Variants in MECOM observed in about 807,000 individuals in gnomAD.
MECOM encodes histone-lysine N-methyltransferase MECOM.
Under a neutral mutation model 116.3 loss-of-function variants are expected in MECOM, and 13 were observed. The ratio of observed to expected loss-of-function variants is 0.11; its 90% CI spans 0.07 to 0.18. MECOM has a LOEUF of 0.18. Ranked by LOEUF, MECOM falls within the 10% of genes least tolerant of loss-of-function variation. The pLI, the probability that MECOM is intolerant of heterozygous loss-of-function variation, is 1.00. For missense variants in MECOM, 1,299 were observed against 1,509.0 expected, an observed-to-expected ratio of 0.86 and a Z score of 2.31; for synonymous variants, 528 against 535.2, an observed-to-expected ratio of 0.99 and a Z score of 0.19.
chr3:169,482,718 A>C (rs1751512862), intron 1 of MECOM, among the ~76,000 whole-genome samples: 1 of 152,172 alleles, frequency 6.6e-6, no homozygotes, highest in Non-Finnish European at 1.5e-5. Context: ...AAAAACCATC[A>C]GCTGGACTGA....
intron 10 of MECOM, among the ~76,000 whole-genome samples, chr3:169,106,538 C>T (rs1725503392): frequency 6.6e-6 from 1 of 152,038 alleles, no homozygotes; most frequent in Non-Finnish European, 1.5e-5. Context: ...ATGTAAATCA[C>T]ATCTCTGAAA....
chr3:169,449,525 A>ATAGCTG (rs1210190917), intron 1 of MECOM, among the ~76,000 whole-genome samples: 1 of 152,194 alleles, frequency 6.6e-6, no homozygotes, highest in Non-Finnish European at 1.5e-5. Context: ...CATTATAGCT[A>ATAGCTG]TAATTTATGA....
rs780858473 is a variant in MECOM, at chr3:169,115,910, C to G, written c.1962G>C (p.Val654=). Residue 654 remains valine, a synonymous_variant, in exon 8 of 17, where the codon GTG becomes GTC. Transcript: ENST00000651503. ...FSPSLEEQTA[V]SGAVNDSIKA... ...TTATAGAATCATTCACAGCTCCTGA[C>G]ACCGCAGTCTGCTCCTCTAAAGATG... 1 of 1,614,108 alleles carries G rather than the reference C, an allele frequency of 6.2e-7. No individual in the cohort carries two copies. Among genetic ancestry groups the G allele is most frequent in the Non-Finnish European group, 8.5e-7 (1 of 1,180,042 alleles).
At chr3:169,263,161 C>T (rs1217207979) in intron 2 of MECOM, among the ~76,000 whole-genome samples, 5 of 123,198 alleles carry the variant, frequency 4.1e-5, no homozygotes, top group Non-Finnish European at 6.5e-5. Flanking sequence ...CAGAGTCTCG[C>T]TCTGTCACCC....
intron 2 of MECOM, among the ~76,000 whole-genome samples, chr3:169,202,336 C>A (rs534248770): frequency 1.1e-3 from 165 of 152,104 alleles, no homozygotes; most frequent in Admixed American, 2.1e-3. Context: ...TATAACTATG[C>A]CAAGTAATTG....
intron 2 of MECOM, among the ~76,000 whole-genome samples, chr3:169,203,831 A>C: frequency 6.6e-6 from 1 of 152,182 alleles, no homozygotes; most frequent in East Asian, 1.9e-4. Context: ...GAAAGACTGA[A>C]ATGAATACAT....
intron 1 of MECOM, among the ~76,000 whole-genome samples, chr3:169,484,351 TA>T (rs1220906630): frequency 4.6e-5 from 7 of 151,924 alleles, no homozygotes; most frequent in African/African-American, 9.7e-5. Context: ...TTGAGAGACA[TA>T]AAAAATATGG....
intron 1 of MECOM, among the ~76,000 whole-genome samples, chr3:169,425,670 G>A (rs1049901619): frequency 1.3e-5 from 2 of 152,116 alleles, no homozygotes; most frequent in African/African-American, 2.4e-5. Context: ...GTAAGCGATA[G>A]AGCATATTTA....
At chr3:169,220,004 T>G (rs918123192) in intron 2 of MECOM, among the ~76,000 whole-genome samples, 25 of 150,064 alleles carry the variant, frequency 1.7e-4, no homozygotes, top group African/African-American at 6.1e-4. Flanking sequence ...TAAATATAAG[T>G]AAATAAATAT....
chr3:169,341,838 G>A (rs898741978), intron 2 of MECOM, among the ~76,000 whole-genome samples: 1 of 151,586 alleles, frequency 6.6e-6, no homozygotes, highest in Non-Finnish European at 1.5e-5. Context: ...TAAAATAAAA[G>A]AGTGTAATTG....
At chr3:169,237,221 C>T (rs773482770) in intron 2 of MECOM, among the ~76,000 whole-genome samples, 5 of 152,090 alleles carry the variant, frequency 3.3e-5, no homozygotes, top group Non-Finnish European at 2.9e-5. Flanking sequence ...TCAGCATTAG[C>T]TTCTATGAAA....
At chr3:169,302,268 A>T (rs1326679160) in intron 2 of MECOM, among the ~76,000 whole-genome samples, 1 of 152,234 alleles carries the variant, frequency 6.6e-6, no homozygotes, top group Admixed American at 6.5e-5. Flanking sequence ...GAAGAGAATC[A>T]GTGATTCAAG....
intron 1 of MECOM, among the ~76,000 whole-genome samples, chr3:169,650,445 A>T (rs1774746796): frequency 1.3e-5 from 2 of 152,172 alleles, no homozygotes; most frequent in South Asian, 4.1e-4. Context: ...CTGACAACTT[A>T]CTTATCCTTA....
intron 1 of MECOM, among the ~76,000 whole-genome samples, chr3:169,472,213 A>T (rs957571504): frequency 6.6e-6 from 1 of 151,854 alleles, no homozygotes; most frequent in Non-Finnish European, 1.5e-5. Flanking sequence ...ATTAAAAAAA[A>T]ATTAAAGTTT....
intron 2 of MECOM, among the ~76,000 whole-genome samples, chr3:169,274,153 C>T (rs534242724): frequency 1.3e-5 from 2 of 152,156 alleles, no homozygotes; most frequent in Admixed American, 6.5e-5. Context: ...CTCAGGTGAT[C>T]TGCCCTCCTC....
intron 1 of MECOM, among the ~76,000 whole-genome samples, chr3:169,544,673 T>C (rs376737712): frequency 1.3e-5 from 2 of 152,190 alleles, no homozygotes; most frequent in Non-Finnish European, 2.9e-5. Context: ...ATATACACCA[T>C]GGAATACTAT....
At chr3:169,275,967 G>A (rs143030620) in intron 2 of MECOM, among the ~76,000 whole-genome samples, 9 of 152,176 alleles carry the variant, frequency 5.9e-5, no homozygotes, top group Non-Finnish European at 7.4e-5. Context: ...ATGCTCACTG[G>A]CATATTTACT....
chr3:169,297,107 T>A (rs1715760442), intron 2 of MECOM, among the ~76,000 whole-genome samples: 1 of 152,226 alleles, frequency 6.6e-6, no homozygotes, highest in Non-Finnish European at 1.5e-5. Flanking sequence ...GCCAGTCCCA[T>A]AAAATTTTAC....
At chr3:169,657,984 C>T (rs1206243790) in intron 1 of MECOM, among the ~76,000 whole-genome samples, 1 of 152,188 alleles carries the variant, frequency 6.6e-6, no homozygotes. Flanking sequence ...CTCTGGTTTT[C>T]TGATCGATTT....
Sources: gnomAD v4.1 joint callset for allele counts (sites outside exome capture counted in the v4.1 genomes callset) on GRCh38, gnomAD v4.1.1 for gene constraint, MANE v1.5 for transcripts, NCBI Gene and HGNC (gene_info 2026-07-23, HGNC 2026-07-21) for gene names.